The following FBXW7 variants were observed in gnomAD, a reference collection of about 807,000 sequenced individuals.
FBXW7 encodes the protein F-box/WD repeat-containing protein 7.
A neutral mutation model predicts 86.3 loss-of-function variants in FBXW7; 11 were observed. The observed-to-expected ratio is 0.13, with a 90% confidence interval of 0.08 to 0.21. The LOEUF (loss-of-function observed/expected upper bound fraction) is 0.21. FBXW7 is among the 10% of genes least tolerant of loss of function. The pLI is 1.00. For synonymous variants in FBXW7, 313 were observed against 297.9 expected, an observed-to-expected ratio of 1.05 and a Z score of -0.52; for missense variants, 488 against 847.4, an observed-to-expected ratio of 0.58 and a Z score of 5.27.
intron 4 of FBXW7, among the ~76,000 whole-genome samples, chr4:152,401,346 T>C (rs1259221574): frequency 1.3e-5 from 2 of 152,234 alleles, no homozygotes; most frequent in African/African-American, 4.8e-5. Context: ...CAATGGAATA[T>C]TATTCAGTGC....
At position 152,469,598 on chromosome 4, in the gene FBXW7, C is replaced by G. The variant is rs540720320; in HGVS notation, c.-119-57069G>C. 3.9e-5 allele frequency among the ~76,000 whole-genome samples: 6 copies of G among 152,200 alleles called. No homozygotes were observed. The South Asian group carries it at 8.3e-4, about 21-fold the overall frequency. On this transcript the variant is annotated intron_variant, in intron 2 of 13. Coordinates refer to ENST00000281708, the MANE Select transcript of FBXW7 (RefSeq NM_001349798.2). Reference sequence around the variant, plus strand: ...AGCAATGGATGGCTAAAGAACAAATCTGTATTAGTGTTTTCACAAAAAAGA... The same window carrying G: ...AGCAATGGATGGCTAAAGAACAAATGTGTATTAGTGTTTTCACAAAAAAGA...
chr4:152,382,788 C>T (rs557581783), intron 4 of FBXW7, among the ~76,000 whole-genome samples: 1 of 152,080 alleles, frequency 6.6e-6, no homozygotes, highest in Admixed American at 6.6e-5. Context: ...ATTAAGTCTT[C>T]CTTATCCAAA....
At chr4:152,501,458 A>C (rs924445157) in intron 2 of FBXW7, among the ~76,000 whole-genome samples, 1 of 152,254 alleles carries the variant, frequency 6.6e-6, no homozygotes, top group African/African-American at 2.4e-5. Context: ...TTATTGCCTA[A>C]CTTGCTCAAA....
At chr4:152,397,637 G>C (rs1736529793) in intron 4 of FBXW7, among the ~76,000 whole-genome samples, 1 of 126,706 alleles carries the variant, frequency 7.9e-6, no homozygotes, top group Non-Finnish European at 1.6e-5. Flanking sequence ...TTCACACATT[G>C]ACATTACCTA....
At chr4:152,489,820 C>T (rs547082168) in intron 2 of FBXW7, among the ~76,000 whole-genome samples, 3 of 152,158 alleles carry the variant, frequency 2.0e-5, no homozygotes, top group South Asian at 4.1e-4. Flanking sequence ...ATACCACCCC[C>T]ATGCCTACCT....
intron 4 of FBXW7, 100 bp downstream of exon 4, chr4:152,411,203 G>T: frequency 7.3e-7 from 1 of 1,374,190 alleles, no homozygotes; most frequent in Non-Finnish European, 9.6e-7. Flanking sequence ...CACATCTTAA[G>T]ATTAATTTTT....
chr4:152,483,019 G>A (rs536968080), intron 2 of FBXW7, among the ~76,000 whole-genome samples: 1 of 152,102 alleles, frequency 6.6e-6, no homozygotes, highest in South Asian at 2.1e-4. Context: ...TTTTTAATCA[G>A]CTTGCTAATA....
intron 6 of FBXW7, among the ~76,000 whole-genome samples, chr4:152,343,783 G>A (rs188468733): frequency 2.9e-4 from 44 of 151,920 alleles, no homozygotes; most frequent in African/African-American, 8.9e-4. Context: ...ATACAAAGTG[G>A]ATCAATGGCT....
intron 4 of FBXW7, among the ~76,000 whole-genome samples, chr4:152,401,040 C>G (rs1736881431): frequency 6.6e-6 from 1 of 152,208 alleles, no homozygotes; most frequent in African/African-American, 2.4e-5. Context: ...ACTGACAACA[C>G]TATATGCCAC....
chr4:152,403,246 G>A (rs1389710415), intron 4 of FBXW7, among the ~76,000 whole-genome samples: 1 of 152,180 alleles, frequency 6.6e-6, no homozygotes, highest in African/African-American at 2.4e-5. Flanking sequence ...GAGAGGCCAA[G>A]GCAGGTGGAT....
In FBXW7 at chr4:152,352,561, C is replaced by T. The variant is rs537589828; in HGVS notation, c.502-2437G>A. ...TTCTGTGCCCCCGTGTGTCCGGCTG[C>T]TTGGCAGTCTCTGACAATATAAACC... On this transcript the variant is annotated intron_variant, in intron 4 of 13. Transcript: ENST00000281708. 1.3e-4 allele frequency: 213 copies of T among 1,613,870 alleles called. 2 individuals are homozygous for T. In the South Asian group the frequency reaches 2.2e-3, roughly 16 times the overall value.
chr4:152,477,163 A>G (rs1166158794), intron 2 of FBXW7, among the ~76,000 whole-genome samples: 1 of 152,106 alleles, frequency 6.6e-6, no homozygotes, highest in Non-Finnish European at 1.5e-5. Context: ...ACCACCATCC[A>G]TAAAACTACA....
chr4:152,531,408 T>C (rs958759406), intron 2 of FBXW7, among the ~76,000 whole-genome samples: 4 of 152,134 alleles, frequency 2.6e-5, no homozygotes, highest in Non-Finnish European at 5.9e-5. Flanking sequence ...GAGAAGCTAC[T>C]AGGAAGGTGC....
Position 152,535,354 on chromosome 4 carries a change from C to T in FBXW7, c.-440G>A. 2.7e-6 allele frequency: 1 copy of T among 368,130 alleles called. No homozygotes were observed. The highest frequency in any genetic ancestry group is 4.6e-5 in the Admixed American group (1 of 21,610). The allele number at this position is 368,130 out of a possible 1,614,324, so 22.8% of individuals were successfully genotyped here. On this transcript the variant is annotated 5_prime_UTR_variant, in exon 1 of 14. Coordinates refer to ENST00000281708, the MANE Select transcript of FBXW7 (RefSeq NM_001349798.2). ...TCCTCCCGGAGTCCAGCCAAGGAGC[C>T]GGGGGGCCGGCGACTGGCCAAGGGA...
intron 5 of FBXW7, among the ~76,000 whole-genome samples, chr4:152,349,201 T>C (rs1251638271): frequency 6.6e-6 from 1 of 152,024 alleles, no homozygotes; most frequent in East Asian, 1.9e-4. Context: ...TTGAAATATT[T>C]TGAGAGAAAG....
chr4:152,508,270 A>C (rs957497554), intron 2 of FBXW7, among the ~76,000 whole-genome samples: 4 of 152,322 alleles, frequency 2.6e-5, no homozygotes, highest in African/African-American at 7.2e-5. Flanking sequence ...CCGCGAGTCC[A>C]TTCTGATATA....
chr4:152,374,891 G>A (rs1055933624), intron 4 of FBXW7, among the ~76,000 whole-genome samples: 7 of 152,006 alleles, frequency 4.6e-5, no homozygotes, highest in Non-Finnish European at 7.4e-5. Context: ...TACAGGAGGG[G>A]GGGGGATGAT....
chr4:152,345,524 A>G (rs1731179532), intron 6 of FBXW7, among the ~76,000 whole-genome samples: 1 of 152,028 alleles, frequency 6.6e-6, no homozygotes, highest in Non-Finnish European at 1.5e-5. Context: ...TATTGCCTCT[A>G]CTTACTAGAT....
At chr4:152,372,223 A>G (rs997904756) in intron 4 of FBXW7, among the ~76,000 whole-genome samples, 3 of 151,978 alleles carry the variant, frequency 2.0e-5, no homozygotes, top group Non-Finnish European at 2.9e-5. Flanking sequence ...TGTATGTTTT[A>G]AAGTATTTAA....
Sources: gnomAD v4.1 joint callset for allele counts (sites outside exome capture counted in the v4.1 genomes callset) on GRCh38, gnomAD v4.1.1 for gene constraint, MANE v1.5 for transcripts, NCBI Gene and HGNC (gene_info 2026-07-23, HGNC 2026-07-21) for gene names.